The following LRRC39 variants were observed in gnomAD, a reference collection of about 807,000 sequenced individuals.
LRRC39 encodes leucine-rich repeat-containing protein 39.
In LRRC39, 35 loss-of-function variants were observed where a neutral mutation model predicts 39.7. That is an observed-to-expected ratio of 0.88 (90% confidence interval 0.67 to 1.17). The LOEUF is 1.17. Ranked by LOEUF, LRRC39 falls within the 50% of genes most tolerant of loss-of-function variation. LRRC39 has a pLI of 0.00. For synonymous variants in LRRC39, 113 were observed against 134.1 expected, an observed-to-expected ratio of 0.84 and a Z score of 1.09; for missense variants, 357 against 385.8, an observed-to-expected ratio of 0.93 and a Z score of 0.62.
chr1:100,154,611 A>G (rs1048977592), intron 8 of LRRC39, among the ~76,000 whole-genome samples: 8 of 152,358 alleles, frequency 5.3e-5, no homozygotes, highest in African/African-American at 1.7e-4. Flanking sequence ...AACAAATTCA[A>G]TGAAGAATGA....
intron 1 of LRRC39, among the ~76,000 whole-genome samples, chr1:100,176,846 A>G (rs1456055997): frequency 6.6e-6 from 1 of 152,258 alleles, no homozygotes; most frequent in Admixed American, 6.5e-5. Flanking sequence ...ATTGAGGGTT[A>G]CAGAACAGAA....
At chr1:100,149,265 ATTT>A in intron 9 of LRRC39, 168 bp from the exon 10 acceptor site, 1 of 1,516,362 alleles carries the variant, frequency 6.6e-7, no homozygotes, top group Non-Finnish European at 8.8e-7. Context: ...ATATGTGGAC[ATTT>A]TTCCCTACAG....
In LRRC39 at chr1:100,156,291, G is replaced by A. The variant is rs778237840; in HGVS notation, c.540C>T (p.His180=). ...QELSNLLKLT[H]LDLSMNDFTT... is the part of the protein sequence containing the mutation. ...TAAAATCGTTCATACTCAGATCAAG[G>A]TGAGTAAGTTTTAGCAGATTGCTGA... The change falls in exon 7 of 10, where the codon CAC becomes CAT. Residue 180 remains histidine, a synonymous_variant. Coordinates refer to ENST00000370137, the MANE Select transcript of LRRC39 (RefSeq NM_144620.4). 1 of 1,611,884 alleles carries A rather than the reference G, an allele frequency of 6.2e-7. No individual in the cohort carries two copies. Among genetic ancestry groups the A allele is most frequent in the Non-Finnish European group, 8.5e-7 (1 of 1,178,510 alleles).
intron 3 of LRRC39, among the ~76,000 whole-genome samples, chr1:100,163,795 G>A (rs1659048939): frequency 6.6e-6 from 1 of 152,018 alleles, no homozygotes; most frequent in Non-Finnish European, 1.5e-5. Context: ...TTTTGAGGCC[G>A]GGCGTGGTGG....
At chr1:100,173,176 G>T (rs1339216160) in intron 2 of LRRC39, among the ~76,000 whole-genome samples, 155 bp downstream of exon 2, 1 of 151,652 alleles carries the variant, frequency 6.6e-6, no homozygotes, top group South Asian at 2.1e-4. Context: ...AGAGGCGGAG[G>T]TTGCAGTGAG....
intron 2 of LRRC39, among the ~76,000 whole-genome samples, chr1:100,171,961 G>A (rs1659641895): frequency 6.6e-6 from 1 of 152,004 alleles, no homozygotes. Context: ...ATACATTTTA[G>A]AAGAAATGAG....
chr1:100,162,780 A>T (rs1272024733), intron 3 of LRRC39, among the ~76,000 whole-genome samples: 1 of 152,242 alleles, frequency 6.6e-6, no homozygotes, highest in African/African-American at 2.4e-5. Context: ...AAGGATACAT[A>T]ATAAATATGA....
rs1357145895 is a variant in LRRC39, at chr1:100,159,409, G to A, written c.226C>T (p.Pro76Ser). The change falls in exon 5 of 10, where the codon CCT (proline) becomes TCT (serine). Residue 76 changes from proline (P) to serine (S), a missense_variant. Transcript: ENST00000370137. ...TGATTCAGTTTCAGCAGAGAAGAAGGGAGGGTCTACAGTAAAAGAAATGAT... is the reference window on the plus strand; with the variant it reads ...TGATTCAGTTTCAGCAGAGAAGAAGAGAGGGTCTACAGTAAAAGAAATGAT... The part of the protein sequence containing the change: ...KIEKEEWKTL[P>S]SSLLKLNQLQ... 3 of 1,604,984 alleles carry A rather than the reference G, an allele frequency of 1.9e-6. No individual in the cohort carries two copies. Among genetic ancestry groups the A allele is most frequent in the Non-Finnish European group, 2.6e-6 (3 of 1,175,938 alleles).
intron 1 of LRRC39, among the ~76,000 whole-genome samples, chr1:100,177,798 GTCAATAATGATATATT>G (rs1660059650): frequency 6.6e-6 from 1 of 152,120 alleles, no homozygotes; most frequent in Admixed American, 6.5e-5. Flanking sequence ...GGAAACACAA[GTCAATAATGATATATT>G]TCTTCCTCCA....
At chr1:100,167,780 A>AT (rs1557928276) in intron 3 of LRRC39, among the ~76,000 whole-genome samples, 1 of 9,286 alleles carries the variant, frequency 1.1e-4, no homozygotes, top group African/African-American at 6.1e-4. Flanking sequence ...CATTTCAAAA[A>AT]TAATAATAAT....
At chr1:100,156,504 A>G (rs1658457047) in intron 6 of LRRC39, among the ~76,000 whole-genome samples, 187 bp from the exon 7 acceptor site, 1 of 152,244 alleles carries the variant, frequency 6.6e-6, no homozygotes, top group African/African-American at 2.4e-5. Flanking sequence ...GGAAGTGGAA[A>G]ACTCTCATAG....
At chr1:100,158,467 T>C in intron 5 of LRRC39, 100 bp from the exon 6 acceptor site, 3 of 1,087,222 alleles carry the variant, frequency 2.8e-6, no homozygotes, top group Non-Finnish European at 3.9e-6. Context: ...AGACGGAGTC[T>C]TGCTCTGTCG....
At chr1:100,150,813 A>G (rs2101758010) in intron 9 of LRRC39, among the ~76,000 whole-genome samples, 1 of 152,228 alleles carries the variant, frequency 6.6e-6, no homozygotes, top group South Asian at 2.1e-4. Flanking sequence ...CACAACTTGC[A>G]TGTTCCACAG....
intron 5 of LRRC39, 70 bp from the exon 6 acceptor site, chr1:100,158,437 A>G: frequency 6.9e-7 from 1 of 1,446,958 alleles, no homozygotes; most frequent in Non-Finnish European, 9.4e-7. Context: ...AAGGTATTAC[A>G]GCATAACTTT....
In LRRC39 at chr1:100,156,316, A is replaced by C; in HGVS notation, c.515T>G (p.Leu172Arg). Residue 172 changes from leucine to arginine, a missense_variant and splice_region_variant, in exon 7 of 10, where the codon CTC (leucine) becomes CGC (arginine). Leu to Arg is a moderately radical substitution (Grantham distance 102). Coordinates refer to ENST00000370137, the MANE Select transcript of LRRC39 (RefSeq NM_144620.4). ...GTGAGTAAGTTTTAGCAGATTGCTG[A>C]GCTGAAGAAGAAAGCAAGGTTTTTC... ...NRDICDLPQE[L>R]SNLLKLTHLD... The C allele has an allele frequency of 6.3e-7, 1 of 1,599,502 alleles. No homozygotes were observed. Among genetic ancestry groups the C allele is most frequent in the African/African-American group, 1.3e-5 (1 of 74,692 alleles).
intron 2 of LRRC39, among the ~76,000 whole-genome samples, chr1:100,172,670 A>G (rs1659703394): frequency 7.6e-6 from 1 of 131,964 alleles, no homozygotes; most frequent in Non-Finnish European, 1.6e-5. Flanking sequence ...TAAAATACCA[A>G]AAAATTGTGG....
At chr1:100,158,568 C>A (rs1305547112) in intron 5 of LRRC39, among the ~76,000 whole-genome samples, 2 of 152,082 alleles carry the variant, frequency 1.3e-5, no homozygotes, top group African/African-American at 2.4e-5. Context: ...CTCCCGGTAG[C>A]TGGGACTACA....
In LRRC39 at chr1:100,175,312, C is replaced by T. The variant is rs1159429427; in HGVS notation, c.-118-1942G>A. 2.0e-5 allele frequency among the ~76,000 whole-genome samples: 3 copies of T among 150,890 alleles called. 1 individual carries two copies. The highest frequency in any genetic ancestry group is 7.3e-5 in the African/African-American group (3 of 41,058). On this transcript the variant is annotated intron_variant, in intron 1 of 9. Coordinates refer to ENST00000370137, the MANE Select transcript of LRRC39 (RefSeq NM_144620.4). The stretch of plus-strand genomic sequence containing the variant: ...CCTGGGCCCCCTCTGCCTCAGCCTT[C>T]AGAATAGCTGGGACTACAGCAAGAA...
At position 100,148,876 on chromosome 1, in the gene LRRC39, AT is replaced by A; in HGVS notation, c.*165del. The A allele has an allele frequency of 8.4e-7, 1 of 1,184,988 alleles. No homozygotes were observed. The highest frequency in any genetic ancestry group is 2.9e-5 in the South Asian group (1 of 34,656). The allele number at this position is 1,184,988 out of a possible 1,614,324, so 73.4% of individuals were successfully genotyped here. ...CCACCAAAAAAAATTTTTTAATTAT[AT>A]TTTTATATCAAAAAAATATATACTT... is the stretch of plus-strand genomic sequence containing the variant. On this transcript the variant is annotated 3_prime_UTR_variant, in exon 10 of 10. Transcript: ENST00000370137.
Sources: allele counts gnomAD v4.1 joint callset (sites outside exome capture counted in the v4.1 genomes callset), GRCh38; gene constraint gnomAD v4.1.1; transcripts MANE v1.5; gene names NCBI Gene and HGNC (gene_info 2026-07-23, HGNC 2026-07-21).